Variants in PDE1C observed in about 807,000 individuals in gnomAD.
PDE1C encodes the protein dual specificity calcium/calmodulin-dependent 3',5'-cyclic nucleotide phosphodiesterase 1C.
In PDE1C, 62 loss-of-function variants were observed where a neutral mutation model predicts 93.1. The ratio of observed to expected loss-of-function variants is 0.67; its 90% CI spans 0.54 to 0.82. The LOEUF (loss-of-function observed/expected upper bound fraction) is 0.82. Among genes scored for constraint, PDE1C ranks in the 40% least tolerant of loss-of-function variants. The probability of loss-of-function intolerance (pLI) is 0.00; values close to 1 mark genes in which losing one functional copy is unlikely to be tolerated. For synonymous variants in PDE1C, 325 were observed against 310.1 expected (o/e 1.05, Z -0.50); for missense variants, 742 against 884.6 (o/e 0.84, Z 2.04).
At chr7:31,880,947 G>A (rs996277163) in intron 2 of PDE1C, 87 bp from the exon 3 acceptor site, 5 of 839,526 alleles carry the variant, frequency 6.0e-6, no homozygotes, top group South Asian at 1.5e-5. Flanking sequence ...TACAGTCATC[G>A]AATATTCTCA....
chr7:31,931,058 C>A (rs913233774), intron 2 of PDE1C, among the ~76,000 whole-genome samples: 1 of 151,990 alleles, frequency 6.6e-6, no homozygotes, highest in East Asian at 1.9e-4. Flanking sequence ...TAAAAGCACT[C>A]AACAAACTAG....
At chr7:32,325,155 A>G (rs1010433262) in intron 1 of PDE1C, among the ~76,000 whole-genome samples, 27 of 152,202 alleles carry the variant, frequency 1.8e-4, no homozygotes, top group Admixed American at 1.4e-3. Flanking sequence ...ATTTGACTCA[A>G]CTGTGACCAC....
intron 2 of PDE1C, among the ~76,000 whole-genome samples, chr7:31,900,484 T>G (rs1165578763): frequency 6.6e-6 from 1 of 151,578 alleles, no homozygotes; most frequent in East Asian, 1.9e-4. Flanking sequence ...AATATTAGGT[T>G]AGAGATGGTT....
intron 2 of PDE1C, among the ~76,000 whole-genome samples, chr7:32,180,907 C>G (rs956876615): frequency 6.6e-6 from 1 of 152,178 alleles, no homozygotes. Context: ...TGTGTCCCAT[C>G]TTTTGTTATC....
chr7:31,985,781 T>C (rs180784873), intron 2 of PDE1C, among the ~76,000 whole-genome samples: 3 of 152,294 alleles, frequency 2.0e-5, no homozygotes, highest in African/African-American at 4.8e-5. Flanking sequence ...TAGTATTCCA[T>C]GGTGTATGTG....
At chr7:31,754,727 G>T (rs567226039) in intron 17 of PDE1C, among the ~76,000 whole-genome samples, 2 of 152,132 alleles carry the variant, frequency 1.3e-5, no homozygotes, top group East Asian at 1.9e-4. Flanking sequence ...AGATTGTCAG[G>T]CGTTTGGAAA....
At chr7:32,106,088 T>A (rs2128752523) in intron 3 of PDE1C, among the ~76,000 whole-genome samples, 1 of 151,766 alleles carries the variant, frequency 6.6e-6, no homozygotes, top group East Asian at 2.0e-4. Flanking sequence ...CATGGCTCAC[T>A]ACAGCCTCGA....
At chr7:31,826,507 G>A (rs1173142064) in intron 12 of PDE1C, among the ~76,000 whole-genome samples, 1 of 151,782 alleles carries the variant, frequency 6.6e-6, no homozygotes, top group Non-Finnish European at 1.5e-5. Flanking sequence ...TTTTTTTCCT[G>A]ACAAATTAAG....
intron 2 of PDE1C, among the ~76,000 whole-genome samples, chr7:32,176,154 C>A (rs1401494694): frequency 6.6e-6 from 1 of 152,144 alleles, no homozygotes; most frequent in Non-Finnish European, 1.5e-5. Context: ...TTTGAGAAGT[C>A]TCTTGTAGTT....
At position 31,866,906 on chromosome 7, in the gene PDE1C, A is replaced by T. The variant is rs558974675; in HGVS notation, c.610-1824T>A. On this transcript the variant is annotated intron_variant, in intron 6 of 17. Coordinates refer to ENST00000396191, the MANE Select transcript of PDE1C (RefSeq NM_001191057.4). Reference sequence around the variant, plus strand: ...CCCTGGCAGACCCTGAGACTAAGACAGGGAGCTGTCTGGAGATCACATGAA... The same window carrying T: ...CCCTGGCAGACCCTGAGACTAAGACTGGGAGCTGTCTGGAGATCACATGAA... 1.6e-3 allele frequency among the ~76,000 whole-genome samples: 239 copies of T among 152,174 alleles called. 1 individual carries two copies. The highest frequency in any genetic ancestry group is 5.6e-3 in the African/African-American group (233 of 41,508).
intron 4 of PDE1C, among the ~76,000 whole-genome samples, chr7:31,878,654 C>G (rs1010567650): frequency 3.9e-5 from 6 of 152,126 alleles, no homozygotes; most frequent in Non-Finnish European, 7.3e-5. Flanking sequence ...CCAGCAACCT[C>G]AAAGCATCCC....
At chr7:32,424,390 C>T (rs1023827711) in intron 1 of PDE1C, among the ~76,000 whole-genome samples, 5 of 152,212 alleles carry the variant, frequency 3.3e-5, no homozygotes, top group African/African-American at 4.8e-5. Flanking sequence ...GACAGTTTCT[C>T]TCTTAATACT....
chr7:32,420,331 ATATATATGTG>A lies in PDE1C; in HGVS notation c.310+7481_310+7490del, dbSNP rs1475340188. Among the ~76,000 whole-genome samples the A allele has an allele frequency of 1.1e-3, 3 of 2,772 alleles. 1 individual carries two copies. The highest frequency in any genetic ancestry group is 1.6e-3 in the African/African-American group (2 of 1,234). 1.8% of individuals were successfully genotyped at this position (2,772 alleles called of 152,430 possible). On this transcript the variant is annotated intron_variant, in intron 1 of 1. Transcript: ENST00000672256. ...TATACATGTGTATATATATGTGTATATATATATGTGTATATATATGTGTATATATATATGT... is the reference window on the plus strand; with the variant it reads ...TATACATGTGTATATATATGTGTATATATATATATGTGTATATATATATGT...
At chr7:32,305,533 T>C (rs2128903107) in intron 1 of PDE1C, among the ~76,000 whole-genome samples, 1 of 152,346 alleles carries the variant, frequency 6.6e-6, no homozygotes, top group Middle Eastern at 3.4e-3. Context: ...CACCTTGGCC[T>C]TGACTCATCC....
chr7:32,374,329 G>C (rs913643252), intron 1 of PDE1C, among the ~76,000 whole-genome samples: 16 of 146,828 alleles, frequency 1.1e-4, no homozygotes, highest in African/African-American at 4.0e-4. Context: ...AGAAAACTAT[G>C]TTCTCTCCCT....
intron 3 of PDE1C, among the ~76,000 whole-genome samples, chr7:32,129,558 C>T (rs1357217971): frequency 8.1e-5 from 10 of 123,558 alleles, no homozygotes; most frequent in African/African-American, 2.7e-4. Flanking sequence ...CCTCAAGTTT[C>T]TCTTTGTCAT....
intron 7 of PDE1C, among the ~76,000 whole-genome samples, chr7:31,861,670 A>G (rs1353863453): frequency 6.6e-6 from 1 of 151,890 alleles, no homozygotes; most frequent in African/African-American, 2.4e-5. Context: ...AGTCCTTTGA[A>G]CTCTGTCTCA....
intron 3 of PDE1C, among the ~76,000 whole-genome samples, chr7:32,120,539 T>C (rs2128763558): frequency 6.6e-6 from 1 of 152,304 alleles, no homozygotes; most frequent in East Asian, 1.9e-4. Context: ...CACCAGTCTT[T>C]GTTGTTCTCC....
At chr7:31,855,056 G>A (rs1273446089) in intron 7 of PDE1C, among the ~76,000 whole-genome samples, 1 of 117,478 alleles carries the variant, frequency 8.5e-6, no homozygotes, top group African/African-American at 3.2e-5. Context: ...GACAGAGCGA[G>A]ACTCCCTCTG....
Sources: allele counts gnomAD v4.1 joint callset (sites outside exome capture counted in the v4.1 genomes callset), GRCh38; gene constraint gnomAD v4.1.1; transcripts MANE v1.5; gene names NCBI Gene and HGNC (gene_info 2026-07-23, HGNC 2026-07-21).